The following XYLT1 variants were observed in gnomAD, a reference collection of about 807,000 sequenced individuals.
XYLT1 encodes the protein beta-D-xylosyltransferase 1.
XYLT1 carries 36 observed loss-of-function variants against 91.3 expected under a neutral mutation model. The observed-to-expected ratio is 0.39, with a 90% CI of 0.30 to 0.52. The LOEUF (loss-of-function observed/expected upper bound fraction) is 0.52. Ranked by LOEUF, XYLT1 falls within the 20% of genes least tolerant of loss-of-function variation. The pLI, the probability that XYLT1 is intolerant of heterozygous loss-of-function variation, is 0.68. For missense variants in XYLT1, 1,242 were observed against 1,284.5 expected (o/e 0.97, Z 0.51); for synonymous variants, 588 against 532.0 (o/e 1.11, Z -1.45).
At chr16:17,415,909 T>C (rs922099148) in intron 1 of XYLT1, among the ~76,000 whole-genome samples, 10 of 152,112 alleles carry the variant, frequency 6.6e-5, no homozygotes, top group Admixed American at 5.9e-4. Context: ...ACAGCTTCTA[T>C]GGGGAAGAAC....
intron 1 of XYLT1, among the ~76,000 whole-genome samples, chr16:17,388,567 C>T (rs1176128681): frequency 6.6e-6 from 1 of 152,020 alleles, no homozygotes. Context: ...TTAATATGAA[C>T]AGTTAAAGAA....
At chr16:17,258,883 G>T in intron 3 of XYLT1, 105 bp downstream of exon 3, 1 of 1,326,590 alleles carries the variant, frequency 7.5e-7, no homozygotes, top group Non-Finnish European at 9.8e-7. Context: ...TTGGAAAACA[G>T]GGTGGCCTTT....
At chr16:17,441,227 T>G (rs923425044) in intron 1 of XYLT1, among the ~76,000 whole-genome samples, 1 of 152,024 alleles carries the variant, frequency 6.6e-6, no homozygotes, top group Non-Finnish European at 1.5e-5. Context: ...GGAAAAATTA[T>G]CATTTATTGT....
chr16:17,463,654 G>C (rs2036850024), intron 1 of XYLT1, among the ~76,000 whole-genome samples: 1 of 152,222 alleles, frequency 6.6e-6, no homozygotes, highest in Non-Finnish European at 1.5e-5. Flanking sequence ...CTATGGAGAA[G>C]AGTATGAAGG....
chr16:17,142,180 T>C (rs1212609751), intron 6 of XYLT1, among the ~76,000 whole-genome samples: 8 of 152,174 alleles, frequency 5.3e-5, no homozygotes, highest in African/African-American at 1.9e-4. Context: ...TGCACCGCCA[T>C]GTCTGGCTGC....
At chr16:17,448,534 C>T (rs1011256240) in intron 1 of XYLT1, among the ~76,000 whole-genome samples, 1 of 152,084 alleles carries the variant, frequency 6.6e-6, no homozygotes, top group African/African-American at 2.4e-5. Flanking sequence ...GGCCACACAG[C>T]CAGCAACACA....
chr16:17,417,553 T>G (rs1031732677), intron 1 of XYLT1, among the ~76,000 whole-genome samples: 3 of 152,114 alleles, frequency 2.0e-5, no homozygotes, highest in Admixed American at 6.6e-5. Flanking sequence ...TAACAAAAGC[T>G]CTCTTAGCAT....
At chr16:17,183,233 A>C (rs374887849) in intron 5 of XYLT1, among the ~76,000 whole-genome samples, 1 of 152,174 alleles carries the variant, frequency 6.6e-6, no homozygotes, top group African/African-American at 2.4e-5. Flanking sequence ...ACTAAAGCAG[A>C]AAGTGGGGGC....
In XYLT1 at chr16:17,103,877, TC is replaced by T. The variant is rs1021364479; in HGVS notation, c.*4817del. 6.6e-6 allele frequency: 1 copy of T among 152,074 alleles called. No individual in the cohort carries two copies. The highest frequency in any genetic ancestry group is 2.4e-5 in the African/African-American group (1 of 41,254). 9.4% of individuals were successfully genotyped at this position (152,074 alleles called of 1,614,324 possible). A position where few individuals can be genotyped will look rare whatever the true frequency, so the allele number is the denominator to read the frequency against. ...AAAGCCCTCCTCCATCTTAAGAGGG[TC>T]CTATACAGTATCTTGTTTGCAAGGT... On this transcript the variant is annotated 3_prime_UTR_variant, in exon 12 of 12. Coordinates refer to ENST00000261381, the MANE Select transcript of XYLT1 (RefSeq NM_022166.4).
At chr16:17,336,373 T>G (rs1257711890) in intron 2 of XYLT1, among the ~76,000 whole-genome samples, 1 of 152,134 alleles carries the variant, frequency 6.6e-6, no homozygotes, top group Non-Finnish European at 1.5e-5. Flanking sequence ...AAATAAAATA[T>G]CCCATTTCCT....
intron 1 of XYLT1, among the ~76,000 whole-genome samples, chr16:17,386,695 A>G (rs1328832428): frequency 1.3e-5 from 2 of 152,232 alleles, no homozygotes; most frequent in African/African-American, 4.8e-5. Context: ...GAGCCAGTTT[A>G]GAGCAGTAAT....
intron 2 of XYLT1, among the ~76,000 whole-genome samples, chr16:17,333,544 C>A (rs1302846127): frequency 6.6e-6 from 1 of 151,206 alleles, no homozygotes; most frequent in Non-Finnish European, 1.5e-5. Context: ...ACGTCCATGT[C>A]ACCTCCAAAA....
intron 3 of XYLT1, among the ~76,000 whole-genome samples, chr16:17,215,185 G>C (rs909269304): frequency 7.9e-5 from 12 of 152,214 alleles, no homozygotes; most frequent in Admixed American, 7.8e-4. Context: ...GTAAAAACTT[G>C]TCTCTATTAA....
intron 2 of XYLT1, among the ~76,000 whole-genome samples, chr16:17,317,448 C>G (rs937249510): frequency 1.3e-5 from 2 of 151,296 alleles, no homozygotes; most frequent in African/African-American, 2.4e-5. Context: ...GCCTGGGTAA[C>G]AGAGTAGTAA....
At chr16:17,240,616 G>A (rs939813197) in intron 3 of XYLT1, among the ~76,000 whole-genome samples, 1 of 152,194 alleles carries the variant, frequency 6.6e-6, no homozygotes, top group Non-Finnish European at 1.5e-5. Flanking sequence ...ATGTGAGAAT[G>A]AGAACTAACC....
intron 3 of XYLT1, among the ~76,000 whole-genome samples, chr16:17,223,838 G>A (rs1310229031): frequency 2.0e-5 from 3 of 152,224 alleles, no homozygotes; most frequent in African/African-American, 7.2e-5. Context: ...CCCATCTCTG[G>A]TTGAAGAGAA....
intron 1 of XYLT1, among the ~76,000 whole-genome samples, chr16:17,375,738 G>A (rs756367480): frequency 2.0e-5 from 3 of 152,222 alleles, no homozygotes; most frequent in Non-Finnish European, 4.4e-5. Flanking sequence ...AATCCCCACC[G>A]GCCAGGTGGA....
intron 1 of XYLT1, chr16:17,445,724 C>G (rs561732751): frequency 6.6e-6 from 1 of 152,180 alleles, no homozygotes; most frequent in Admixed American, 6.5e-5. Flanking sequence ...CCGTCACCAG[C>G]GGAGAAACAG....
intron 1 of XYLT1, among the ~76,000 whole-genome samples, chr16:17,457,549 T>C (rs1392630121): frequency 6.6e-6 from 1 of 152,188 alleles, no homozygotes; most frequent in Admixed American, 6.5e-5. Flanking sequence ...TAGCTTAACA[T>C]CTCTCCCTGC....
Sources: allele counts gnomAD v4.1 joint callset (sites outside exome capture counted in the v4.1 genomes callset), GRCh38; gene constraint gnomAD v4.1.1; transcripts MANE v1.5; gene names NCBI Gene and HGNC (gene_info 2026-07-23, HGNC 2026-07-21).